The following EFHC2 variants were observed in gnomAD, a reference collection of about 807,000 sequenced individuals.
The protein encoded by EFHC2 is EF-hand domain containing 2.
EFHC2 carries 18 observed loss-of-function variants against 52.7 expected under a neutral mutation model. The observed-to-expected ratio is 0.34, with a 90% CI of 0.24 to 0.51. The LOEUF is 0.51. Ranked by LOEUF, EFHC2 falls within the 20% of genes least tolerant of loss-of-function variation. The probability of loss-of-function intolerance (pLI) is 0.97; values close to 1 mark genes in which losing one functional copy is unlikely to be tolerated. For missense variants in EFHC2, 513 were observed against 562.5 expected, an observed-to-expected ratio of 0.91 and a Z score of 0.89; for synonymous variants, 203 against 204.1, an observed-to-expected ratio of 0.99 and a Z score of 0.04.
At chrX:44,218,398 A>G (rs1218249962) in intron 11 of EFHC2, among the ~76,000 whole-genome samples, 1 of 111,693 alleles carries the variant, frequency 9.0e-6, no homozygotes, top group Non-Finnish European at 1.9e-5. Flanking sequence ...ATCAGTAATT[A>G]AATAAGAATT....
intron 1 of EFHC2, among the ~76,000 whole-genome samples, chrX:44,318,698 G>A (rs752376583): frequency 3.6e-5 from 4 of 111,340 alleles, no homozygotes; most frequent in South Asian, 3.8e-4. Flanking sequence ...GCACATACTC[G>A]TGTTTGATTT....
chrX:44,309,216 A>G, intron 2 of EFHC2: 4 of 423,415 alleles, frequency 9.4e-6, no homozygotes, highest in African/African-American at 2.4e-5. Flanking sequence ...AATGAACATT[A>G]TGGACAATTC....
At chrX:44,212,600 A>G (rs1056509377) in intron 11 of EFHC2, among the ~76,000 whole-genome samples, 2 of 111,690 alleles carry the variant, frequency 1.8e-5, no homozygotes, top group African/African-American at 6.5e-5. Context: ...CCAAGGGCAC[A>G]GGCTCACTAA....
chrX:44,196,162 C>A (rs2147292446), intron 11 of EFHC2, among the ~76,000 whole-genome samples: 1 of 111,888 alleles, frequency 8.9e-6, no homozygotes, highest in Non-Finnish European at 1.9e-5. Flanking sequence ...AGTGGTCCAC[C>A]AGCCTTGGCC....
At chrX:44,171,989 G>A (rs1187293449) in intron 13 of EFHC2, among the ~76,000 whole-genome samples, 3 of 111,963 alleles carry the variant, frequency 2.7e-5, no homozygotes, top group African/African-American at 9.7e-5. Flanking sequence ...CTCACTGCCA[G>A]GTATTGTTGG....
intron 3 of EFHC2, among the ~76,000 whole-genome samples, chrX:44,261,654 C>T (rs1354916325): frequency 9.3e-6 from 1 of 107,217 alleles, no homozygotes; most frequent in Non-Finnish European, 1.9e-5. Flanking sequence ...CTAGAACAAG[C>T]CTGCTCACAT....
At chrX:44,304,390 T>C (rs775067742) in intron 2 of EFHC2, among the ~76,000 whole-genome samples, 1 of 111,986 alleles carries the variant, frequency 8.9e-6, no homozygotes, top group Non-Finnish European at 1.9e-5. Flanking sequence ...CAATCACACA[T>C]ATAGTTAATG....
At chrX:44,269,237 G>A (rs12396429) in intron 3 of EFHC2, among the ~76,000 whole-genome samples, 15,973 of 110,055 alleles carry the variant, frequency 0.15, 1,171 homozygotes, top group Admixed American at 0.26. Flanking sequence ...GCCTGGAGGG[G>A]CATCACCACA....
At chrX:44,271,121 A>T (rs1380949432) in intron 3 of EFHC2, among the ~76,000 whole-genome samples, 1 of 111,697 alleles carries the variant, frequency 9.0e-6, no homozygotes, top group Non-Finnish European at 1.9e-5. Context: ...AATGTGATCC[A>T]TGAGCCTTCT....
chrX:44,268,747 T>C (rs1285461886), intron 3 of EFHC2, among the ~76,000 whole-genome samples: 1 of 112,402 alleles, frequency 8.9e-6, no homozygotes, highest in Non-Finnish European at 1.9e-5. Flanking sequence ...TTAAATAATC[T>C]TCAACCATTT....
Position 44,165,011 on chromosome X carries a change from A to G in EFHC2, c.2043-984T>C, listed in dbSNP as rs184787732. 2.7e-5 allele frequency among the ~76,000 whole-genome samples: 3 copies of G among 111,475 alleles called. No individual in the cohort carries two copies. In the East Asian group the frequency reaches 8.5e-4, roughly 31 times the overall value. On this transcript the variant is annotated intron_variant, in intron 13 of 14. Coordinates refer to ENST00000420999, the MANE Select transcript of EFHC2 (RefSeq NM_025184.4). ...TTACTTAGTGTAATGCCTCAATGCC[A>G]CCTATCCTAAATTTGATCACATTCT...
intron 1 of EFHC2, among the ~76,000 whole-genome samples, chrX:44,338,793 T>C (rs1245043737): frequency 1.8e-5 from 2 of 108,483 alleles, no homozygotes; most frequent in East Asian, 5.7e-4. Context: ...CAAATTCAAA[T>C]ATGTTTTCTT....
intron 13 of EFHC2, among the ~76,000 whole-genome samples, chrX:44,175,165 C>T (rs1222623023): frequency 8.9e-6 from 1 of 111,975 alleles, no homozygotes; most frequent in Non-Finnish European, 1.9e-5. Context: ...CCTTAGAGAG[C>T]AAAGAGACAC....
chrX:44,224,098 T>C (rs2037214033), intron 11 of EFHC2, among the ~76,000 whole-genome samples: 1 of 112,211 alleles, frequency 8.9e-6, no homozygotes, highest in Non-Finnish European at 1.9e-5. Flanking sequence ...TGATGTTTAT[T>C]ATTTTCCATC....
intron 1 of EFHC2, among the ~76,000 whole-genome samples, chrX:44,321,134 A>G (rs1602216750): frequency 8.9e-6 from 1 of 111,930 alleles, no homozygotes; most frequent in Non-Finnish European, 1.9e-5. Flanking sequence ...TAGAACAAAA[A>G]GGATTTACCA....
chrX:44,163,383 A>G (rs1337210042), intron 14 of EFHC2, among the ~76,000 whole-genome samples: 2 of 111,860 alleles, frequency 1.8e-5, no homozygotes, highest in Non-Finnish European at 3.8e-5. Context: ...ACAATTCCAC[A>G]ATGTTGAGAG....
Position 44,181,080 on chromosome X carries a change from C to G in EFHC2, c.1752-2516G>C, listed in dbSNP as rs145715886. Among the ~76,000 whole-genome samples, 481 of 110,811 alleles carry G rather than the reference C, an allele frequency of 4.3e-3. 15 individuals are homozygous for G. The East Asian group carries it at 0.1, about 24-fold the overall frequency. On this transcript the variant is annotated intron_variant, in intron 11 of 14. Transcript: ENST00000420999. ...ACTGCACTCCAGCATGAGTGACAGA[C>G]AAAGACCCCATCTCTAAAAAAAGAA... is the stretch of plus-strand genomic sequence containing the variant.
At chrX:44,279,364 G>A (rs1467209354) in intron 2 of EFHC2, among the ~76,000 whole-genome samples, 1 of 110,930 alleles carries the variant, frequency 9.0e-6, no homozygotes, top group Admixed American at 9.6e-5. Context: ...AAAAGGTTTT[G>A]AAAAAGCAAA....
intron 1 of EFHC2, among the ~76,000 whole-genome samples, chrX:44,317,947 C>T (rs1385134955): frequency 1.8e-5 from 2 of 112,580 alleles, no homozygotes; most frequent in Non-Finnish European, 3.7e-5. Flanking sequence ...AGTATGGCTG[C>T]TGTGGAAAAC....
Sources: gnomAD v4.1 joint callset for allele counts (sites outside exome capture counted in the v4.1 genomes callset) on GRCh38, gnomAD v4.1.1 for gene constraint, MANE v1.5 for transcripts, NCBI Gene and HGNC (gene_info 2026-07-23, HGNC 2026-07-21) for gene names.